CTSK: variants seen among roughly 807,000 people sequenced by gnomAD.
CTSK encodes the protein cathepsin K, also known as cathepsin O.
Under a neutral mutation model 40.5 loss-of-function variants are expected in CTSK, and 26 were observed. The observed-to-expected ratio is 0.64, with a 90% confidence interval of 0.47 to 0.89. The LOEUF (loss-of-function observed/expected upper bound fraction) is 0.89, where lower values mean the gene tolerates loss of function less well. Ranked by LOEUF, CTSK falls within the 40% of genes least tolerant of loss-of-function variation. CTSK has a pLI of 0.00. For missense variants in CTSK, 292 were observed against 400.1 expected, an observed-to-expected ratio of 0.73 and a Z score of 2.30; for synonymous variants, 132 against 143.2, an observed-to-expected ratio of 0.92 and a Z score of 0.56.
In CTSK at chr1:150,799,616, C is replaced by A; in HGVS notation, c.712G>T (p.Ala238Ser). 6.2e-7 allele frequency: 1 copy of A among 1,614,200 alleles called. No individual in the cohort carries two copies. The highest frequency in any genetic ancestry group is 1.1e-5 in the South Asian group (1 of 91,080). ...PEGNEKALKR[A>S]VARVGPVSVA... is the part of the protein sequence containing the mutation. Reference sequence around the variant, plus strand: ...GAGACAGGTCCCACTCGGGCCACTGCCCTCTTCAGGGCTTTCTCATTCCCC... The same window carrying A: ...GAGACAGGTCCCACTCGGGCCACTGACCTCTTCAGGGCTTTCTCATTCCCC... Residue 238 changes from alanine to serine, a missense_variant, in exon 6 of 8, where the codon GCA becomes TCA. Ala to Ser is a moderately conservative substitution (Grantham distance 99, BLOSUM62 1). Coordinates refer to ENST00000271651, the MANE Select transcript of CTSK (RefSeq NM_000396.4).
At chr1:150,805,230 G>T (rs971780428) in intron 4 of CTSK, among the ~76,000 whole-genome samples, 7 of 142,342 alleles carry the variant, frequency 4.9e-5, no homozygotes, top group Non-Finnish European at 6.2e-5. Flanking sequence ...AAAAAATTTG[G>T]GGGGGGGGAA....
chr1:150,805,495 C>A (rs1251604389), intron 4 of CTSK, among the ~76,000 whole-genome samples: 16 of 151,334 alleles, frequency 1.1e-4, no homozygotes, highest in African/African-American at 3.9e-4. Flanking sequence ...AAAAATTAGC[C>A]AGGCGTAGTG....
chr1:150,807,019 C>CTCTCTCTCTCTCTCTCTT (rs1430043351), intron 1 of CTSK, among the ~76,000 whole-genome samples: 1 of 151,638 alleles, frequency 6.6e-6, no homozygotes, highest in Non-Finnish European at 1.5e-5. Context: ...CTCTCTCTCT[C>CTCTCTCTCTCTCTCTCTT]TCTCTCGGGA....
intron 1 of CTSK, among the ~76,000 whole-genome samples, 199 bp from the exon 2 acceptor site, chr1:150,807,005 T>TCTCTCTCTCTCTCTCTCTC (rs146635750): frequency 2.3e-4 from 32 of 139,052 alleles, no homozygotes; most frequent in South Asian, 4.8e-4. Context: ...ATTTCTCTCT[T>TCTCTCTCTCTCTCTCTCTC]TCTCTCTCTC....
intron 4 of CTSK, 113 bp downstream of exon 4, chr1:150,805,748 C>T: frequency 9.6e-7 from 1 of 1,038,578 alleles, no homozygotes; most frequent in Non-Finnish European, 1.5e-6. Context: ...GGGAGATGTA[C>T]CTTAATTCCT....
At chr1:150,797,698 A>C (rs1233825700) in intron 7 of CTSK, among the ~76,000 whole-genome samples, 2 of 152,124 alleles carry the variant, frequency 1.3e-5, no homozygotes, top group Non-Finnish European at 2.9e-5. Flanking sequence ...CATTTTATTT[A>C]AAACCTGTAC....
chr1:150,804,109 CA>C lies in CTSK; in HGVS notation c.529del (p.Cys177ValfsTer6), dbSNP rs781512523. ...GGCATTGGTCATGTAGCCCCCTCCA[CA>C]GCCATCATTCTCAGACACACAATCC... ...LVDCVSENDG[C>X]GGGYMTNAFQ... On this transcript the variant is annotated frameshift_variant, in exon 5 of 8. Coordinates refer to ENST00000271651, the MANE Select transcript of CTSK (RefSeq NM_000396.4). LOFTEE classifies it high-confidence loss of function. The C allele has an allele frequency of 3.7e-6, 6 of 1,614,192 alleles. No individual in the cohort carries two copies. Among genetic ancestry groups the C allele is most frequent in the Non-Finnish European group, 4.2e-6 (5 of 1,180,024 alleles).
intron 5 of CTSK, among the ~76,000 whole-genome samples, chr1:150,803,738 T>C (rs1337795090): frequency 6.6e-6 from 1 of 152,226 alleles, no homozygotes; most frequent in Non-Finnish European, 1.5e-5. Context: ...AGTGAGGAAT[T>C]GAGCAGAGGG....
chr1:150,801,742 T>A (rs1179689236), intron 5 of CTSK, among the ~76,000 whole-genome samples: 2 of 151,340 alleles, frequency 1.3e-5, no homozygotes, highest in African/African-American at 4.9e-5. Context: ...GGTTTCACCA[T>A]GTTAGCCAGG....
rs1194794723 is a variant in CTSK at position 150,806,172 on chromosome 1, G to A, written c.173C>T (p.Ser58Phe). The A allele has an allele frequency of 6.2e-7, 1 of 1,614,006 alleles. No individual in the cohort carries two copies. Among genetic ancestry groups the A allele is most frequent in the Non-Finnish European group, 8.5e-7 (1 of 1,180,002 alleles). ...AAGAGAAGCCTCAAGGTTATGGATG[G>A]AAATATACTTCAGGTTTTTTTCCCA... Reference protein sequence around the residue: ...LIWEKNLKYISIHNLEASLGV... With the variant: ...LIWEKNLKYIFIHNLEASLGV... The change falls in exon 3 of 8, where the codon TCC becomes TTC. Residue 58 changes from serine (S) to phenylalanine (F), a missense_variant. Coordinates refer to ENST00000271651, the MANE Select transcript of CTSK (RefSeq NM_000396.4).
At chr1:150,806,997 T>TTCTTTCTCTCTCTCTC (rs1553197496) in intron 1 of CTSK, among the ~76,000 whole-genome samples, 191 bp from the exon 2 acceptor site, 2 of 79,968 alleles carry the variant, frequency 2.5e-5, no homozygotes, top group Non-Finnish European at 5.8e-5. Flanking sequence ...ATTTAGCCAT[T>TTCTTTCTCTCTCTCTC]TCTCTCTTTC....
Position 150,799,610 on chromosome 1 carries a change from C to A in CTSK, c.718G>T (p.Ala240Ser), listed in dbSNP as rs769009784. The change falls in exon 6 of 8, where the codon GCC becomes TCC. Residue 240 changes from alanine to serine, a missense_variant. Transcript: ENST00000271651. ...GCCACAGAGACAGGTCCCACTCGGG[C>A]CACTGCCCTCTTCAGGGCTTTCTCA... ...GNEKALKRAVARVGPVSVAID... is the reference protein window; with the variant it reads ...GNEKALKRAVSRVGPVSVAID... The A allele has an allele frequency of 6.2e-7, 1 of 1,614,182 alleles. No homozygotes were observed. The highest frequency in any genetic ancestry group is 1.1e-5 in the South Asian group (1 of 91,082).
Position 150,806,002 on chromosome 1 carries a change from C to T in CTSK, c.258G>A (p.Val86=). The stretch of plus-strand genomic sequence containing the variant: ...CTTTGAGTCCAGTCATCTTCTGAAC[C>T]ACCTCTTCACTGGTCTAAGACAAAG... ...NHLGDMTSEE[V]VQKMTGLKVP... is the part of the protein sequence containing the mutation. Residue 86 remains valine, a synonymous_variant, in exon 4 of 8, where the codon GTG becomes GTA. Transcript: ENST00000271651. 1 of 1,614,108 alleles carries T rather than the reference C, an allele frequency of 6.2e-7. No homozygotes were observed. The highest frequency in any genetic ancestry group is 8.5e-7 in the Non-Finnish European group (1 of 1,180,026).
chr1:150,799,854 T>A, intron 5 of CTSK, 145 bp from the exon 6 acceptor site: 2 of 824,760 alleles, frequency 2.4e-6, no homozygotes. Context: ...CTGTTCTTCC[T>A]CAGAAAAACG....
chr1:150,805,638 C>CAAAAAA (rs79027279), intron 4 of CTSK, among the ~76,000 whole-genome samples: 2 of 54,974 alleles, frequency 3.6e-5, no homozygotes, highest in Non-Finnish European at 6.5e-5. Context: ...GACTCTATCT[C>CAAAAAA]AAAAAAAAAA....
chr1:150,807,753 A>G (rs1334951004), intron 1 of CTSK, among the ~76,000 whole-genome samples: 4 of 152,360 alleles, frequency 2.6e-5, no homozygotes, highest in Admixed American at 6.5e-5. Flanking sequence ...ACAATTGCTT[A>G]TAGTCCATTT....
chr1:150,807,005 TTCTCTCTC>T (rs71659432), intron 1 of CTSK, among the ~76,000 whole-genome samples, 199 bp from the exon 2 acceptor site: 1 of 138,966 alleles, frequency 7.2e-6, no homozygotes, highest in Non-Finnish European at 1.6e-5. Flanking sequence ...ATTTCTCTCT[TTCTCTCTC>T]TCTCTCTCTC....
At position 150,796,782 on chromosome 1, in the gene CTSK, G is replaced by C; in HGVS notation, c.*17C>G. On this transcript the variant is annotated 3_prime_UTR_variant, in exon 8 of 8. Transcript: ENST00000271651. ...GTGGAAGAAATGGAAGAGCAGGATG[G>C]ATTTGGCTGGCTGGAGTCACATCTT... 6.4e-7 allele frequency: 1 copy of C among 1,559,506 alleles called. No individual in the cohort carries two copies.
In CTSK at chr1:150,806,690, T is replaced by C; in HGVS notation, c.116A>G (p.Asn39Ser). 6.2e-7 allele frequency: 1 copy of C among 1,614,042 alleles called. No homozygotes were observed. Among genetic ancestry groups the C allele is most frequent in the Non-Finnish European group, 8.5e-7 (1 of 1,180,018 alleles). Residue 39 changes from asparagine to serine, a missense_variant, in exon 2 of 8, where the codon AAC (asparagine) becomes AGC (serine). Asn to Ser is a conservative substitution (Grantham distance 46). Coordinates refer to ENST00000271651, the MANE Select transcript of CTSK (RefSeq NM_000396.4). Reference sequence around the variant, plus strand: ...CCCCTCCAGGACCCCAGGCACCTTGTTGTTATATTGCTTCCTGTGGGTCTT... The same window carrying C: ...CCCCTCCAGGACCCCAGGCACCTTGCTGTTATATTGCTTCCTGTGGGTCTT... ...WKKTHRKQYN[N>S]KVDEISRRLI...
Sources: allele counts gnomAD v4.1 joint callset (sites outside exome capture counted in the v4.1 genomes callset), GRCh38; gene constraint gnomAD v4.1.1; transcripts MANE v1.5; gene names NCBI Gene and HGNC (gene_info 2026-07-23, HGNC 2026-07-21).